LYPLAL1: variants seen among roughly 807,000 people sequenced by gnomAD.
LYPLAL1 encodes lysophospholipase-like protein 1.
A neutral mutation model predicts 19.7 loss-of-function variants in LYPLAL1; 23 were observed. The observed-to-expected ratio is 1.17, with a 90% CI of 0.84 to 1.65. The LOEUF is 1.65. LYPLAL1 is among the 40% of genes most tolerant of loss of function. LYPLAL1 has a pLI of 0.00. For missense variants in LYPLAL1, 355 were observed against 279.4 expected, an observed-to-expected ratio of 1.27 and a Z score of -1.93; for synonymous variants, 119 against 96.3, an observed-to-expected ratio of 1.24 and a Z score of -1.38.
At chr1:219,362,963 T>A in the LYPLAL1 span, among the ~76,000 whole-genome samples, 1 of 151,270 alleles carries the variant, frequency 6.6e-6, no homozygotes, top group Non-Finnish European at 1.5e-5. Flanking sequence ...AAAAAAAAAA[T>A]AACAAAGAAA....
chr1:219,341,105 G>C, the LYPLAL1 span, among the ~76,000 whole-genome samples: 3 of 151,952 alleles, frequency 2.0e-5, no homozygotes, highest in African/African-American at 7.2e-5. Context: ...CCAAAGATAG[G>C]AACAGCTTAT....
chr1:219,191,867 A>G (rs1232322723), intron 2 of LYPLAL1, among the ~76,000 whole-genome samples: 2 of 151,668 alleles, frequency 1.3e-5, no homozygotes, highest in Non-Finnish European at 3.0e-5. Flanking sequence ...TTACAAAGTA[A>G]TGTTTATATG....
At chr1:219,377,267 C>G in the LYPLAL1 span, among the ~76,000 whole-genome samples, 2 of 152,102 alleles carry the variant, frequency 1.3e-5, no homozygotes, top group South Asian at 2.1e-4. Context: ...TTCACTTATA[C>G]AAAGTATCTA....
the LYPLAL1 span, among the ~76,000 whole-genome samples, chr1:219,231,118 C>T: frequency 6.6e-6 from 1 of 152,128 alleles, no homozygotes; most frequent in South Asian, 2.1e-4. Flanking sequence ...GTCCTTCTTG[C>T]TGGTATATTG....
chr1:219,296,758 A>C, the LYPLAL1 span, among the ~76,000 whole-genome samples: 1 of 152,218 alleles, frequency 6.6e-6, no homozygotes, highest in African/African-American at 2.4e-5. Flanking sequence ...AAGAAATCAT[A>C]GGTTACAACA....
the LYPLAL1 span, among the ~76,000 whole-genome samples, chr1:219,312,053 G>C: frequency 6.6e-6 from 1 of 152,210 alleles, no homozygotes; most frequent in Non-Finnish European, 1.5e-5. Flanking sequence ...CCAAGCTGCT[G>C]TAAAAGGAAG....
the LYPLAL1 span, among the ~76,000 whole-genome samples, chr1:219,242,959 C>T: frequency 1.1e-4 from 16 of 152,186 alleles, no homozygotes; most frequent in South Asian, 1.9e-3. Context: ...ACCAGGCATC[C>T]GCAGGTTGTG....
At chr1:219,283,433 G>A in the LYPLAL1 span, among the ~76,000 whole-genome samples, 1 of 152,316 alleles carries the variant, frequency 6.6e-6, no homozygotes, top group African/African-American at 2.4e-5. Context: ...CAAAGGAGAA[G>A]CAGAGCAGTT....
In LYPLAL1 at chr1:219,212,563, AGTTG is replaced by A. The variant is rs1558249553; in HGVS notation, c.*839_*842del. On this transcript the variant is annotated 3_prime_UTR_variant, in exon 5 of 5. Transcript: ENST00000366928. ...ATAAATAATAACATTTTCATATATT[AGTTG>A]GTTCTCATGCATACATAATCTAATT... The A allele has an allele frequency of 6.6e-6, 1 of 152,050 alleles. No homozygotes were observed. The highest frequency in any genetic ancestry group is 1.5e-5 in the Non-Finnish European group (1 of 67,932). The allele number at this position is 152,050 out of a possible 1,614,324, so 9.4% of individuals were successfully genotyped here.
At chr1:219,396,115 AAAAAG>A in the LYPLAL1 span, among the ~76,000 whole-genome samples, 3 of 151,968 alleles carry the variant, frequency 2.0e-5, no homozygotes, top group Middle Eastern at 3.2e-3. Context: ...AAAAAAAAAA[AAAAAG>A]AAGGAGTCCA....
At chr1:219,411,536 C>T in the LYPLAL1 span, among the ~76,000 whole-genome samples, 24 of 152,268 alleles carry the variant, frequency 1.6e-4, no homozygotes, top group African/African-American at 5.1e-4. Flanking sequence ...CTCGGCTCTA[C>T]CAATCAGCAG....
At chr1:219,174,932 A>C in intron 1 of LYPLAL1, 2 of 985,398 alleles carry the variant, frequency 2.0e-6, no homozygotes, top group Non-Finnish European at 2.4e-6. Flanking sequence ...ATTGTAAGAG[A>C]AAAAAATGTG....
chr1:219,191,873 A>G (rs1020806491), intron 2 of LYPLAL1, among the ~76,000 whole-genome samples: 1 of 151,700 alleles, frequency 6.6e-6, no homozygotes, highest in African/African-American at 2.4e-5. Flanking sequence ...AGTAATGTTT[A>G]TATGATTCTA....
chr1:219,330,282 T>A, the LYPLAL1 span, among the ~76,000 whole-genome samples: 1 of 152,186 alleles, frequency 6.6e-6, no homozygotes, highest in African/African-American at 2.4e-5. Context: ...CATGTTGACA[T>A]AACCTATAGA....
the LYPLAL1 span, among the ~76,000 whole-genome samples, chr1:219,263,712 C>T: frequency 2.0e-5 from 3 of 152,130 alleles, no homozygotes; most frequent in Non-Finnish European, 4.4e-5. Flanking sequence ...AGGGCTCTTC[C>T]TGCTGCTTCT....
At chr1:219,227,381 C>A in the LYPLAL1 span, among the ~76,000 whole-genome samples, 1 of 152,124 alleles carries the variant, frequency 6.6e-6, no homozygotes, top group East Asian at 1.9e-4. Flanking sequence ...TGTGTTTTTC[C>A]TGGCTAATAT....
chr1:219,271,174 C>T, the LYPLAL1 span: 1 of 152,330 alleles, frequency 6.6e-6, no homozygotes, highest in Non-Finnish European at 1.5e-5. Context: ...GAACTCCTGA[C>T]CTCAGGTGAT....
At chr1:219,384,899 G>A in the LYPLAL1 span, among the ~76,000 whole-genome samples, 1 of 152,134 alleles carries the variant, frequency 6.6e-6, no homozygotes, top group South Asian at 2.1e-4. Context: ...CTGTTTCATT[G>A]CCAACAAATG....
At chr1:219,266,185 TAAAAAC>T in the LYPLAL1 span, among the ~76,000 whole-genome samples, 1 of 152,176 alleles carries the variant, frequency 6.6e-6, no homozygotes, top group Non-Finnish European at 1.5e-5. Flanking sequence ...GACATTTAGT[TAAAAAC>T]AAACACATTT....
Sources: allele counts gnomAD v4.1 joint callset (sites outside exome capture counted in the v4.1 genomes callset), GRCh38; gene constraint gnomAD v4.1.1; transcripts MANE v1.5; gene names NCBI Gene and HGNC (gene_info 2026-07-23, HGNC 2026-07-21).